HPSE2: variants seen among roughly 807,000 people sequenced by gnomAD.
HPSE2 encodes the protein inactive heparanase-2.
In HPSE2, 38 loss-of-function variants were observed where a neutral mutation model predicts 60.5. That is an observed-to-expected ratio of 0.63 (90% CI 0.48 to 0.82). The LOEUF is 0.82. Among genes scored for constraint, HPSE2 ranks in the 40% least tolerant of loss-of-function variants. HPSE2 has a pLI of 0.00. For synonymous variants in HPSE2, 295 were observed against 293.2 expected, an observed-to-expected ratio of 1.01 and a Z score of -0.06; for missense variants, 713 against 740.4, an observed-to-expected ratio of 0.96 and a Z score of 0.43.
At chr10:98,652,142 G>A (rs1946934137) in intron 6 of HPSE2, among the ~76,000 whole-genome samples, 1 of 152,046 alleles carries the variant, frequency 6.6e-6, no homozygotes, top group Non-Finnish European at 1.5e-5. Context: ...AACAATGATA[G>A]TTCACTTTCT....
chr10:98,636,587 A>G (rs1290111135), intron 7 of HPSE2, among the ~76,000 whole-genome samples: 1 of 152,202 alleles, frequency 6.6e-6, no homozygotes, highest in Non-Finnish European at 1.5e-5. Flanking sequence ...GTATTGCAAT[A>G]TCATTCTGTA....
chr10:98,735,009 T>A (rs1273433160), intron 4 of HPSE2, among the ~76,000 whole-genome samples: 1 of 152,072 alleles, frequency 6.6e-6, no homozygotes, highest in East Asian at 2.0e-4. Context: ...CATTATTAAC[T>A]GAAATCCATA....
At chr10:98,977,224 T>C (rs143967198) in intron 3 of HPSE2, among the ~76,000 whole-genome samples, 2 of 152,354 alleles carry the variant, frequency 1.3e-5, no homozygotes, top group Non-Finnish European at 2.9e-5. Context: ...AACTGTGTTT[T>C]ATGTATCTTT....
intron 9 of HPSE2, among the ~76,000 whole-genome samples, chr10:98,597,807 C>T (rs908218040): frequency 6.6e-6 from 1 of 151,484 alleles, no homozygotes; most frequent in African/African-American, 2.4e-5. Context: ...CCCGTCTCTA[C>T]TAAAAATACA....
intron 3 of HPSE2, among the ~76,000 whole-genome samples, chr10:98,994,031 A>G (rs950632932): frequency 1.3e-5 from 2 of 152,142 alleles, no homozygotes; most frequent in Non-Finnish European, 2.9e-5. Context: ...TCACTATTAT[A>G]TTTCTTTCTG....
chr10:98,819,444 G>C (rs1221187210), intron 3 of HPSE2, among the ~76,000 whole-genome samples: 2 of 109,500 alleles, frequency 1.8e-5, no homozygotes, highest in Non-Finnish European at 3.8e-5. Context: ...TTTTTAACCA[G>C]TTCTCTTGGC....
intron 11 of HPSE2, among the ~76,000 whole-genome samples, chr10:98,481,392 A>C (rs991384182): frequency 6.6e-6 from 1 of 152,208 alleles, no homozygotes. Context: ...TTAGTGGTAA[A>C]GCAGGGACCA....
chr10:98,851,822 A>G (rs1952180132), intron 3 of HPSE2, among the ~76,000 whole-genome samples: 1 of 152,174 alleles, frequency 6.6e-6, no homozygotes, highest in African/African-American at 2.4e-5. Context: ...TTACACTACA[A>G]CTAAGTATCC....
chr10:99,170,969 G>C (rs1264798323), intron 2 of HPSE2, among the ~76,000 whole-genome samples: 1 of 152,100 alleles, frequency 6.6e-6, no homozygotes, highest in Admixed American at 6.5e-5. Flanking sequence ...AATTAATCTA[G>C]AGATTATTTG....
At chr10:99,052,118 C>T (rs190095931) in intron 3 of HPSE2, among the ~76,000 whole-genome samples, 8 of 151,550 alleles carry the variant, frequency 5.3e-5, no homozygotes, top group East Asian at 1.9e-4. Context: ...CTGACACAGA[C>T]GTTACAAATA....
intron 9 of HPSE2, among the ~76,000 whole-genome samples, chr10:98,503,836 C>T (rs1380332998): frequency 2.6e-5 from 4 of 152,112 alleles, no homozygotes; most frequent in African/African-American, 9.7e-5. Flanking sequence ...AAGTATGGTT[C>T]AGTGGACTTT....
chr10:98,803,637 T>C (rs910688864), intron 3 of HPSE2, among the ~76,000 whole-genome samples: 1 of 151,572 alleles, frequency 6.6e-6, no homozygotes, highest in African/African-American at 2.4e-5. Flanking sequence ...GTTGTAGATA[T>C]GCGGCATTAT....
chr10:98,979,134 C>T (rs1353524664), intron 3 of HPSE2, among the ~76,000 whole-genome samples: 1 of 152,128 alleles, frequency 6.6e-6, no homozygotes, highest in Non-Finnish European at 1.5e-5. Flanking sequence ...CTGTGATAGG[C>T]CTGATGGAGA....
At chr10:99,004,640 G>T (rs1166713442) in intron 3 of HPSE2, among the ~76,000 whole-genome samples, 2 of 151,922 alleles carry the variant, frequency 1.3e-5, no homozygotes, top group Non-Finnish European at 2.9e-5. Context: ...TAATAGTTTT[G>T]TCTTTTAACC....
intron 2 of HPSE2, among the ~76,000 whole-genome samples, chr10:99,153,482 G>A (rs1434268124): frequency 6.6e-6 from 1 of 152,134 alleles, no homozygotes; most frequent in Non-Finnish European, 1.5e-5. Context: ...GCACCCCCCA[G>A]CAGGGACACA....
chr10:98,990,760 T>C (rs1170716431), intron 3 of HPSE2, among the ~76,000 whole-genome samples: 6 of 152,212 alleles, frequency 3.9e-5, no homozygotes, highest in East Asian at 1.9e-4. Context: ...AACAGGGACA[T>C]TGGAGACATT....
In HPSE2 at chr10:98,938,582, A is replaced by G. The variant is rs561927650; in HGVS notation, c.611-194526T>C. ...CAAAGCCTCCAAGTAATATGGGACT[A>G]TGTGAAAAGACCAAATCTACGTCTG... On this transcript the variant is annotated intron_variant, in intron 3 of 11. Coordinates refer to ENST00000370552, the MANE Select transcript of HPSE2 (RefSeq NM_021828.5). Among the ~76,000 whole-genome samples, 31 of 144,268 alleles carry G rather than the reference A, an allele frequency of 2.1e-4. 4 individuals carry two copies. Among genetic ancestry groups the G allele is most frequent in the African/African-American group, 8.1e-4 (29 of 35,672 alleles). The allele number at this position is 144,268 out of a possible 152,430, so 94.6% of individuals were successfully genotyped here.
chr10:99,079,734 G>A (rs1453972169), intron 3 of HPSE2, among the ~76,000 whole-genome samples: 1 of 152,102 alleles, frequency 6.6e-6, no homozygotes, highest in African/African-American at 2.4e-5. Flanking sequence ...ACCAGGAAAA[G>A]TTTGGGAGCT....
chr10:98,842,294 C>T (rs1206994865), intron 3 of HPSE2, among the ~76,000 whole-genome samples: 1 of 152,224 alleles, frequency 6.6e-6, no homozygotes, highest in East Asian at 1.9e-4. Context: ...TCAGAAGATA[C>T]TATCTTTTTA....
Sources: allele counts gnomAD v4.1 joint callset (sites outside exome capture counted in the v4.1 genomes callset), GRCh38; gene constraint gnomAD v4.1.1; transcripts MANE v1.5; gene names NCBI Gene and HGNC (gene_info 2026-07-23, HGNC 2026-07-21).